Variants in CCN6 observed in about 807,000 individuals in gnomAD.
The protein encoded by CCN6 is CCN family member 6.
Under a neutral mutation model 37.4 loss-of-function variants are expected in CCN6, and 31 were observed. That is an observed-to-expected ratio of 0.83 (90% confidence interval 0.62 to 1.12). The LOEUF is 1.12. Ranked by LOEUF, CCN6 falls within the 50% of genes most tolerant of loss-of-function variation. The pLI is 0.00. For missense variants in CCN6, 369 were observed against 413.8 expected, an observed-to-expected ratio of 0.89 and a Z score of 0.94; for synonymous variants, 137 against 142.1, an observed-to-expected ratio of 0.96 and a Z score of 0.26.
chr6:112,069,294 TGTAATAAA>T (rs781903338), intron 4 of CCN6, 37 bp from the exon 5 acceptor site: 1 of 1,586,252 alleles, frequency 6.3e-7, no homozygotes, highest in African/African-American at 1.3e-5. Context: ...TCAAAACTAT[TGTAATAAA>T]ATTTAAAGAA....
intron 1 of CCN6, 136 bp from the exon 2 acceptor site, chr6:112,060,855 C>T: frequency 9.7e-7 from 1 of 1,030,782 alleles, no homozygotes; most frequent in Non-Finnish European, 1.4e-6. Context: ...GTAATTGTGT[C>T]AAATGCTGAT....
At chr6:112,063,884 G>A (rs181378721) in intron 2 of CCN6, among the ~76,000 whole-genome samples, 6 of 152,258 alleles carry the variant, frequency 3.9e-5, no homozygotes, top group African/African-American at 1.2e-4. Context: ...GACAGCTGTT[G>A]CACTAAAATA....
intron 3 of CCN6, among the ~76,000 whole-genome samples, chr6:112,065,454 G>C (rs1562597417): frequency 6.6e-6 from 1 of 152,078 alleles, no homozygotes; most frequent in African/African-American, 2.4e-5. Context: ...AAATATTTAA[G>C]AACTGACACA....
upstream of CCN6, among the ~76,000 whole-genome samples, chr6:112,053,105 C>T (rs147539647): frequency 1.9e-3 from 296 of 152,130 alleles, no homozygotes; most frequent in African/African-American, 6.9e-3. Context: ...GCAGGTGGGA[C>T]GCCTCAGGGA....
intron 1 of CCN6, among the ~76,000 whole-genome samples, chr6:112,056,135 A>T (rs1468413585): frequency 1.3e-5 from 2 of 152,126 alleles, no homozygotes; most frequent in Admixed American, 1.3e-4. Flanking sequence ...AAAATATAAG[A>T]TTCTTTATAT....
intron 1 of CCN6, among the ~76,000 whole-genome samples, chr6:112,057,107 T>A (rs1412069929): frequency 2.0e-5 from 3 of 152,182 alleles, no homozygotes; most frequent in Non-Finnish European, 4.4e-5. Context: ...TTTGGGAGTG[T>A]GCATTTCATT....
Position 112,064,979 on chromosome 6 carries a change from A to G in CCN6, c.571A>G (p.Ser191Gly). 6.2e-7 allele frequency: 1 copy of G among 1,614,010 alleles called. No individual in the cohort carries two copies. Among genetic ancestry groups the G allele is most frequent in the Non-Finnish European group, 8.5e-7 (1 of 1,179,904 alleles). ...LEPLLQQLST[S>G]YKTMPAYRNL... is the part of the protein sequence containing the mutation. ...ACCATTACTACAGCAGCTTTCAACA[A>G]GCTACAAAACAATGCCAGGTGCTCA... Residue 191 changes from serine to glycine, a missense_variant, in exon 3 of 5, where the codon AGC becomes GGC. By Grantham distance (56) the Ser-to-Gly change is moderately conservative. Coordinates refer to ENST00000368666, the MANE Select transcript of CCN6 (RefSeq NM_198239.2).
chr6:112,059,793 A>G (rs1230347), intron 1 of CCN6, among the ~76,000 whole-genome samples: 6,324 of 152,336 alleles, frequency 0.042, 432 homozygotes, highest in African/African-American at 0.14. Flanking sequence ...TAAAGATGGC[A>G]GTCATCAAGA....
chr6:112,069,400 T>A lies in CCN6; in HGVS notation c.845T>A (p.Phe282Tyr), dbSNP rs782810179. 2.5e-6 allele frequency: 4 copies of A among 1,613,616 alleles called. No individual in the cohort carries two copies. The highest frequency in any genetic ancestry group is 3.4e-6 in the Non-Finnish European group (4 of 1,179,894). The change falls in exon 5 of 5, where the codon TTT becomes TAT. Residue 282 changes from phenylalanine (F) to tyrosine (Y), a missense_variant. Transcript: ENST00000368666. Reference sequence around the variant, plus strand: ...CTCTCCAAAGCTGAAAAATTTGTCTTTTCTGGATGCTCAAGTACTCAGAGT... The same window carrying A: ...CTCTCCAAAGCTGAAAAATTTGTCTATTCTGGATGCTCAAGTACTCAGAGT... ...FQLSKAEKFV[F>Y]SGCSSTQSYK...
chr6:112,062,103 GT>G (rs782025728), intron 2 of CCN6, among the ~76,000 whole-genome samples: 5 of 152,106 alleles, frequency 3.3e-5, no homozygotes, highest in African/African-American at 4.8e-5. Context: ...GTATTGTATG[GT>G]TAAAAATGTG....
At chr6:112,064,025 T>G (rs891923713) in intron 2 of CCN6, among the ~76,000 whole-genome samples, 1 of 152,198 alleles carries the variant, frequency 6.6e-6, no homozygotes, top group Admixed American at 6.5e-5. Flanking sequence ...CCCCCACCCC[T>G]TTTAAAGTAT....
At chr6:112,065,620 A>ACACATGCG (rs1227862461) in intron 3 of CCN6, among the ~76,000 whole-genome samples, 1 of 131,046 alleles carries the variant, frequency 7.6e-6, no homozygotes, top group African/African-American at 3.0e-5. Context: ...GCACACACAC[A>ACACATGCG]CGCACGCACA....
chr6:112,060,480 T>C (rs1776480269), intron 1 of CCN6, among the ~76,000 whole-genome samples: 1 of 152,184 alleles, frequency 6.6e-6, no homozygotes, highest in Non-Finnish European at 1.5e-5. Context: ...TTTGGAAATA[T>C]ATTGGCATTT....
intron 3 of CCN6, 135 bp from the exon 4 acceptor site, chr6:112,068,070 C>A: frequency 1.4e-6 from 1 of 720,134 alleles, no homozygotes. Context: ...TAAATTAGAC[C>A]ATCGGCTTCT....
At position 112,064,725 on chromosome 6, in the gene CCN6, T is replaced by G. The variant is rs76570257; in HGVS notation, c.347-30T>G. Reference sequence around the variant, plus strand: ...CTAGACTATCACAGATCATGGCTTCTTTGGCAATTTTGCTCTTTTCTCTTT... The same window carrying G: ...CTAGACTATCACAGATCATGGCTTCGTTGGCAATTTTGCTCTTTTCTCTTT... On this transcript the variant is annotated intron_variant, in intron 2 of 4. Coordinates refer to ENST00000368666, the MANE Select transcript of CCN6 (RefSeq NM_198239.2). The G allele has an allele frequency of 1.3e-3, 2,135 of 1,613,832 alleles. 25 individuals carry two copies. The African/African-American group carries it at 0.024, about 18-fold the overall frequency.
Position 112,068,322 on chromosome 6 carries a change from G to C in CCN6, c.707G>C (p.Ser236Thr), listed in dbSNP as rs782612856. 6.2e-7 allele frequency: 1 copy of C among 1,613,266 alleles called. No homozygotes were observed. The highest frequency in any genetic ancestry group is 8.5e-7 in the Non-Finnish European group (1 of 1,179,542). ...GISNRVTNENSNCEMRKEKRL... is the reference protein window; with the variant it reads ...GISNRVTNENTNCEMRKEKRL... ...TCTAACAGGGTGACCAATGAAAACA[G>C]CAACTGTGAAATGAGAAAAGAGAAA... Residue 236 changes from serine to threonine, a missense_variant, in exon 4 of 5, where the codon AGC (serine) becomes ACC (threonine). Ser to Thr is a moderately conservative substitution (Grantham distance 58). Coordinates refer to ENST00000368666, the MANE Select transcript of CCN6 (RefSeq NM_198239.2).
At chr6:112,059,383 C>T (rs1207756363) in intron 1 of CCN6, among the ~76,000 whole-genome samples, 1 of 152,218 alleles carries the variant, frequency 6.6e-6, no homozygotes, top group Non-Finnish European at 1.5e-5. Flanking sequence ...TGCCTCCCTT[C>T]TGGAGGTGGC....
At chr6:112,068,462 G>T (rs1344162525) in intron 4 of CCN6, 64 bp downstream of exon 4, 14 of 1,426,870 alleles carry the variant, frequency 9.8e-6, no homozygotes, top group Admixed American at 2.0e-5. Flanking sequence ...AAGCATGTGT[G>T]TGTTTTGGAG....
chr6:112,067,247 C>T (rs1554314203), intron 3 of CCN6, among the ~76,000 whole-genome samples: 1 of 151,704 alleles, frequency 6.6e-6, no homozygotes, highest in Non-Finnish European at 1.5e-5. Flanking sequence ...TTTTGCTGTG[C>T]AGACTCAAAT....
Sources: gnomAD v4.1 joint callset for allele counts (sites outside exome capture counted in the v4.1 genomes callset) on GRCh38, gnomAD v4.1.1 for gene constraint, MANE v1.5 for transcripts, NCBI Gene and HGNC (gene_info 2026-07-23, HGNC 2026-07-21) for gene names.